The following KIAA1671 variants were observed in gnomAD, a reference collection of about 807,000 sequenced individuals.
KIAA1671 encodes the protein uncharacterized protein KIAA1671.
KIAA1671 carries 52 observed loss-of-function variants against 131.2 expected under a neutral mutation model. That is an observed-to-expected ratio of 0.40 (90% CI 0.32 to 0.50). KIAA1671 has a LOEUF of 0.50. Ranked by LOEUF, KIAA1671 falls within the 20% of genes least tolerant of loss-of-function variation. The pLI is 0.73. For synonymous variants in KIAA1671, 1,003 were observed against 961.6 expected (o/e 1.04, Z -0.80); for missense variants, 2,360 against 2,364.2 (o/e 1.00, Z 0.04).
chr22:25,189,030 G>A (rs1159477364), intron 11 of KIAA1671, among the ~76,000 whole-genome samples: 1 of 151,916 alleles, frequency 6.6e-6, no homozygotes, highest in African/African-American at 2.4e-5. Flanking sequence ...AGGCAGGCAA[G>A]TCCCAAATCT....
chr22:24,959,697 C>T (rs1921912362), intron 1 of KIAA1671, among the ~76,000 whole-genome samples: 1 of 152,134 alleles, frequency 6.6e-6, no homozygotes, highest in Non-Finnish European at 1.5e-5. Context: ...CTCTGGTCAA[C>T]TGTACGAGAA....
chr22:25,191,968 CAT>C (rs1934684919), intron 12 of KIAA1671, among the ~76,000 whole-genome samples: 1 of 151,964 alleles, frequency 6.6e-6, no homozygotes, highest in African/African-American at 2.4e-5. Context: ...TATATATATA[CAT>C]ATGTGTATAT....
chr22:25,108,693 C>T (rs1262987332), intron 6 of KIAA1671, among the ~76,000 whole-genome samples: 1 of 152,126 alleles, frequency 6.6e-6, no homozygotes, highest in African/African-American at 2.4e-5. Context: ...GCTGCAAGAG[C>T]CCCCCACCCC....
At chr22:25,000,207 T>TAAATGTAGCTTTCGATGTTGTTGTTGTTG (rs1569202495) in intron 1 of KIAA1671, among the ~76,000 whole-genome samples, 15 of 83,240 alleles carry the variant, frequency 1.8e-4, no homozygotes, top group African/African-American at 6.6e-4. Context: ...TTTTTTTTTT[T>TAAATGTAGCTTTCGATGTTGTTGTTGTTG]TTTTGAGACG....
At chr22:25,155,430 T>TG (rs896949868) in intron 6 of KIAA1671, among the ~76,000 whole-genome samples, 7 of 151,850 alleles carry the variant, frequency 4.6e-5, no homozygotes, top group East Asian at 1.9e-4. Flanking sequence ...TATGTGTGTG[T>TG]GGGGGGGTTT....
intron 6 of KIAA1671, among the ~76,000 whole-genome samples, chr22:25,076,554 T>G (rs1929118570): frequency 6.6e-6 from 1 of 152,116 alleles, no homozygotes; most frequent in Non-Finnish European, 1.5e-5. Flanking sequence ...AGTTGGGGCA[T>G]GGGGAGAGAG....
intron 11 of KIAA1671, among the ~76,000 whole-genome samples, chr22:25,187,814 T>A (rs1934528993): frequency 6.6e-6 from 1 of 152,228 alleles, no homozygotes; most frequent in South Asian, 2.1e-4. Context: ...TATTGTTTTT[T>A]ATTAAAATGT....
chr22:25,071,559 G>T (rs1165546436), intron 6 of KIAA1671, among the ~76,000 whole-genome samples: 1 of 133,660 alleles, frequency 7.5e-6, no homozygotes, highest in Non-Finnish European at 1.7e-5. Flanking sequence ...ATGGTAAAAA[G>T]ATATGGAAAA....
intron 10 of KIAA1671, among the ~76,000 whole-genome samples, chr22:25,183,073 C>G (rs1300786873): frequency 6.6e-6 from 1 of 152,104 alleles, no homozygotes; most frequent in Non-Finnish European, 1.5e-5. Context: ...CTTTTGCCCC[C>G]CTGTTTCAGA....
intron 3 of KIAA1671, 127 bp from the exon 4 acceptor site, chr22:25,032,482 C>A: frequency 1.8e-6 from 1 of 557,086 alleles, no homozygotes; most frequent in South Asian, 2.7e-5. Flanking sequence ...GGGCAGTTCT[C>A]CTTTTGGTAA....
intron 1 of KIAA1671, among the ~76,000 whole-genome samples, chr22:25,020,142 A>C (rs1925583624): frequency 6.6e-6 from 1 of 152,188 alleles, no homozygotes; most frequent in African/African-American, 2.4e-5. Context: ...TGGAGTCAGA[A>C]GACCTGGATT....
At chr22:25,189,398 C>T (rs1934595179) in intron 11 of KIAA1671, among the ~76,000 whole-genome samples, 1 of 152,032 alleles carries the variant, frequency 6.6e-6, no homozygotes, top group African/African-American at 2.4e-5. Flanking sequence ...TGGTCTTGAT[C>T]TCCTGACCTC....
At chr22:25,042,551 T>A (rs1954972128) in intron 5 of KIAA1671, among the ~76,000 whole-genome samples, 1 of 148,098 alleles carries the variant, frequency 6.8e-6, no homozygotes. Context: ...ACTGCAACCT[T>A]CGCCTCCTGG....
intron 6 of KIAA1671, among the ~76,000 whole-genome samples, chr22:25,163,331 ATTTTTTT>A (rs132895): frequency 3.2e-4 from 18 of 55,554 alleles, no homozygotes; most frequent in African/African-American, 7.3e-4. Flanking sequence ...ATTGCCTCAA[ATTTTTTT>A]TTTTTTTTTT....
intron 6 of KIAA1671, among the ~76,000 whole-genome samples, chr22:25,073,566 T>C (rs1928940038): frequency 6.6e-6 from 1 of 152,212 alleles, no homozygotes; most frequent in African/African-American, 2.4e-5. Flanking sequence ...TCAACAAATT[T>C]CCAGTATATA....
chr22:25,169,638 C>G (rs1005340971), intron 6 of KIAA1671, among the ~76,000 whole-genome samples: 1 of 152,272 alleles, frequency 6.6e-6, no homozygotes, highest in African/African-American at 2.4e-5. Context: ...TTTTAATTTG[C>G]GAAGCAGACA....
intron 6 of KIAA1671, among the ~76,000 whole-genome samples, chr22:25,090,398 C>T (rs1003698639): frequency 3.3e-5 from 5 of 152,252 alleles, no homozygotes; most frequent in African/African-American, 7.2e-5. Context: ...ATGTTCAGGA[C>T]TCTGGCCTCA....
intron 11 of KIAA1671, among the ~76,000 whole-genome samples, chr22:25,189,453 G>T (rs1485715472): frequency 6.6e-6 from 1 of 152,160 alleles, no homozygotes; most frequent in African/African-American, 2.4e-5. Flanking sequence ...GATTACGGGC[G>T]TGAGCCACCG....
chr22:25,103,357 C>T (rs566357810), intron 6 of KIAA1671, among the ~76,000 whole-genome samples: 10 of 151,812 alleles, frequency 6.6e-5, no homozygotes, highest in African/African-American at 9.7e-5. Context: ...ATTACAGGCA[C>T]GCACCACCGC....
Sources: gnomAD v4.1 joint callset for allele counts (sites outside exome capture counted in the v4.1 genomes callset) on GRCh38, gnomAD v4.1.1 for gene constraint, MANE v1.5 for transcripts, NCBI Gene and HGNC (gene_info 2026-07-23, HGNC 2026-07-21) for gene names.